CKAP5: variants seen among roughly 807,000 people sequenced by gnomAD.
CKAP5 encodes cytoskeleton-associated protein 5.
A neutral mutation model predicts 232.8 loss-of-function variants in CKAP5; 27 were observed. The observed-to-expected ratio is 0.12, with a 90% CI of 0.09 to 0.16. CKAP5 has a LOEUF of 0.16. Ranked by LOEUF, CKAP5 falls within the 10% of genes least tolerant of loss-of-function variation. The probability of loss-of-function intolerance (pLI) is 1.00; values close to 1 mark genes in which losing one functional copy is unlikely to be tolerated. For synonymous variants in CKAP5, 785 were observed against 841.1 expected (o/e 0.93, Z 1.16); for missense variants, 1,838 against 2,424.7 (o/e 0.76, Z 5.08).
intron 1 of CKAP5, among the ~76,000 whole-genome samples, chr11:46,828,342 T>C (rs1016178438): frequency 2.0e-5 from 3 of 152,190 alleles, no homozygotes; most frequent in African/African-American, 4.8e-5. Context: ...GCCAAGACAG[T>C]CTCATTCTAC....
chr11:46,826,089 T>C (rs1939645349), intron 1 of CKAP5, among the ~76,000 whole-genome samples: 1 of 152,182 alleles, frequency 6.6e-6, no homozygotes, highest in Non-Finnish European at 1.5e-5. Context: ...TAGCAGATTA[T>C]CTCAAACTTT....
chr11:46,775,972 T>A (rs1483095805), intron 24 of CKAP5, among the ~76,000 whole-genome samples: 1 of 150,144 alleles, frequency 6.7e-6, no homozygotes, highest in Non-Finnish European at 1.5e-5. Flanking sequence ...TAAATAATAA[T>A]AAAAAAAACA....
Position 46,795,796 on chromosome 11 carries a change from T to C in CKAP5, c.1468-20A>G, listed in dbSNP as rs1179354786. 10 of 1,602,926 alleles carry C rather than the reference T, an allele frequency of 6.2e-6. No homozygotes were observed. Among genetic ancestry groups the C allele is most frequent in the Admixed American group, 1.7e-5 (1 of 59,444 alleles). ...TTTGATCTGGAGAATGAAAGTGAGATGAACATCATTAAGCCCAACTTTGAA... is the reference window on the plus strand; with the variant it reads ...TTTGATCTGGAGAATGAAAGTGAGACGAACATCATTAAGCCCAACTTTGAA... On this transcript the variant is annotated intron_variant, in intron 12 of 43. Transcript: ENST00000529230.
At chr11:46,820,330 T>C (rs1939498120) in intron 2 of CKAP5, among the ~76,000 whole-genome samples, 1 of 152,142 alleles carries the variant, frequency 6.6e-6, no homozygotes, top group Admixed American at 6.5e-5. Context: ...ATTTATTATA[T>C]AGGATGAAGG....
At chr11:46,759,219 C>T (rs760428471) in intron 34 of CKAP5, 50 bp downstream of exon 34, 10 of 1,561,212 alleles carry the variant, frequency 6.4e-6, no homozygotes, top group African/African-American at 1.4e-5. Context: ...TCACGTAGGC[C>T]GTCTGATCAT....
At position 46,795,712 on chromosome 11, in the gene CKAP5, T is replaced by G; in HGVS notation, c.1532A>C (p.Lys511Thr). 1 of 1,614,126 alleles carries G rather than the reference T, an allele frequency of 6.2e-7. No individual in the cohort carries two copies. Among genetic ancestry groups the G allele is most frequent in the African/African-American group, 1.3e-5 (1 of 75,064 alleles). ...HGKKAGLAAD[K>T]KEFKPLPGRT... ...TCCAGGCAGAGGTTTGAATTCCTTCTTATCAGCAGCTAGTCCAGCTTTCTT... is the reference window on the plus strand; with the variant it reads ...TCCAGGCAGAGGTTTGAATTCCTTCGTATCAGCAGCTAGTCCAGCTTTCTT... Residue 511 changes from lysine to threonine, a missense_variant, in exon 13 of 44, where the codon AAG becomes ACG. Around this residue, in one of 6 missense-constraint regions of CKAP5, gnomAD observed 767 missense variants for 954.6 expected, o/e 0.80. Transcript: ENST00000529230.
At chr11:46,808,395 G>C (rs1415942216) in intron 7 of CKAP5, among the ~76,000 whole-genome samples, 1 of 152,148 alleles carries the variant, frequency 6.6e-6, no homozygotes, top group Non-Finnish European at 1.5e-5. Flanking sequence ...CAAAAAATTA[G>C]CCGGGCGTGG....
chr11:46,766,876 T>A (rs1022131112), intron 27 of CKAP5, among the ~76,000 whole-genome samples: 1 of 152,226 alleles, frequency 6.6e-6, no homozygotes, highest in Admixed American at 6.5e-5. Flanking sequence ...TAAATCCCAC[T>A]GGGACAAAAG....
At chr11:46,840,130 AAATT>A (rs915895273) in intron 1 of CKAP5, among the ~76,000 whole-genome samples, 4 of 152,140 alleles carry the variant, frequency 2.6e-5, no homozygotes, top group Non-Finnish European at 2.9e-5. Context: ...TGTCTCAAAA[AAATT>A]AATTAATTAA....
chr11:46,796,484 T>C (rs542165996), intron 12 of CKAP5, among the ~76,000 whole-genome samples: 2 of 152,078 alleles, frequency 1.3e-5, no homozygotes, highest in South Asian at 2.1e-4. Flanking sequence ...ATCACCATCA[T>C]AGCCTGGAAT....
rs1254439046 is a variant in CKAP5 at position 46,802,557 on chromosome 11, G to GACAC, written c.979-1257_979-1254dup. Reference sequence around the variant, plus strand: ...AGACAGACAGACAGACAGACAGACAGACACACACACACACACACACACACA... The same window carrying GACAC: ...AGACAGACAGACAGACAGACAGACAGACACACACACACACACACACACACACACA... On this transcript the variant is annotated intron_variant, in intron 8 of 43. Coordinates refer to ENST00000529230, the MANE Select transcript of CKAP5 (RefSeq NM_001008938.4). Among the ~76,000 whole-genome samples, 495 of 147,528 alleles carry GACAC rather than the reference G, an allele frequency of 3.4e-3. 1 individual carries two copies. The highest frequency in any genetic ancestry group is 9.2e-3 in the African/African-American group (370 of 40,030).
intron 15 of CKAP5, 143 bp from the exon 16 acceptor site, chr11:46,788,916 G>A: frequency 1.6e-6 from 1 of 627,680 alleles, no homozygotes; most frequent in South Asian, 1.8e-5. Flanking sequence ...AGCTTATATA[G>A]CTTCCGCTGT....
intron 1 of CKAP5, among the ~76,000 whole-genome samples, chr11:46,821,747 C>T (rs1185161421): frequency 2.0e-5 from 3 of 151,584 alleles, no homozygotes; most frequent in African/African-American, 4.8e-5. Context: ...TTTAAAGTCA[C>T]TCAAAAGACA....
chr11:46,794,042 A>G (rs1938810279), intron 13 of CKAP5, among the ~76,000 whole-genome samples: 1 of 152,250 alleles, frequency 6.6e-6, no homozygotes, highest in Non-Finnish European at 1.5e-5. Context: ...TGGTGCTGGG[A>G]AAACTGAATA....
chr11:46,775,741 A>C (rs995534919), intron 24 of CKAP5, among the ~76,000 whole-genome samples: 1 of 152,092 alleles, frequency 6.6e-6, no homozygotes, highest in Non-Finnish European at 1.5e-5. Flanking sequence ...CAAACACCGC[A>C]ATTTCTCACT....
At chr11:46,839,508 C>T (rs924590023) in intron 1 of CKAP5, among the ~76,000 whole-genome samples, 2 of 152,302 alleles carry the variant, frequency 1.3e-5, no homozygotes, top group Admixed American at 1.3e-4. Context: ...CCTTTAGCTA[C>T]CCACCGCCAC....
chr11:46,815,688 T>C (rs912808678), intron 4 of CKAP5, among the ~76,000 whole-genome samples: 12 of 152,212 alleles, frequency 7.9e-5, no homozygotes, highest in African/African-American at 1.2e-4. Flanking sequence ...CACAACACAC[T>C]TGAAGGCTAA....
intron 1 of CKAP5, among the ~76,000 whole-genome samples, chr11:46,838,134 C>G (rs1023449087): frequency 4.6e-5 from 7 of 152,134 alleles, no homozygotes; most frequent in Non-Finnish European, 1.0e-4. Context: ...TGCCCAAAAC[C>G]TGTAACTCCA....
intron 42 of CKAP5, among the ~76,000 whole-genome samples, chr11:46,748,493 G>A (rs561658043): frequency 1.5e-4 from 23 of 152,236 alleles, no homozygotes; most frequent in Admixed American, 1.4e-3. Flanking sequence ...TAAATGGATC[G>A]GCTGGGCATG....
Sources: allele counts gnomAD v4.1 joint callset (sites outside exome capture counted in the v4.1 genomes callset), GRCh38; gene constraint gnomAD v4.1.1; regional missense constraint gnomAD v4.1.1; transcripts MANE v1.5; gene names NCBI Gene and HGNC (gene_info 2026-07-23, HGNC 2026-07-21).